Variants in GRIA4 observed in about 807,000 individuals in gnomAD.
GRIA4 encodes the protein glutamate receptor 4.
Under a neutral mutation model 104.0 loss-of-function variants are expected in GRIA4, and 34 were observed. That is an observed-to-expected ratio of 0.33 (90% confidence interval 0.25 to 0.44). The LOEUF (loss-of-function observed/expected upper bound fraction) is 0.44, where lower values mean the gene tolerates loss of function less well. GRIA4 is among the 20% of genes least tolerant of loss of function. The pLI, the probability that GRIA4 is intolerant of heterozygous loss-of-function variation, is 1.00. For synonymous variants in GRIA4, 386 were observed against 381.9 expected (o/e 1.01, Z -0.13); for missense variants, 750 against 1,096.5 (o/e 0.68, Z 4.46).
chr11:105,930,554 T>C (rs1947842724), intron 13 of GRIA4, among the ~76,000 whole-genome samples: 1 of 151,738 alleles, frequency 6.6e-6, no homozygotes, highest in Admixed American at 6.6e-5. Flanking sequence ...CATACTAATA[T>C]ATAGAAATGG....
chr11:105,972,723 T>A (rs1317927884), intron 15 of GRIA4, among the ~76,000 whole-genome samples: 1 of 152,072 alleles, frequency 6.6e-6, no homozygotes, highest in Non-Finnish European at 1.5e-5. Context: ...CAAATAAAAG[T>A]AATGGAAATA....
intron 3 of GRIA4, among the ~76,000 whole-genome samples, chr11:105,750,014 T>G (rs1313207904): frequency 6.6e-6 from 1 of 152,184 alleles, no homozygotes; most frequent in African/African-American, 2.4e-5. Context: ...TCAATTCAGC[T>G]TAGTTTACTT....
chr11:105,950,999 T>C (rs1948442292), intron 14 of GRIA4, among the ~76,000 whole-genome samples: 1 of 152,186 alleles, frequency 6.6e-6, no homozygotes, highest in Non-Finnish European at 1.5e-5. Flanking sequence ...GTCACCTAAC[T>C]TTCATTAGGC....
intron 14 of GRIA4, among the ~76,000 whole-genome samples, chr11:105,971,658 A>C (rs1591500862): frequency 6.6e-6 from 1 of 152,150 alleles, no homozygotes; most frequent in East Asian, 1.9e-4. Context: ...AAACCCAACC[A>C]AGGCCAATAG....
At chr11:105,946,847 C>T (rs1257475259) in intron 14 of GRIA4, among the ~76,000 whole-genome samples, 4 of 151,990 alleles carry the variant, frequency 2.6e-5, no homozygotes, top group African/African-American at 9.7e-5. Context: ...AAAAAATGTA[C>T]CAAAAAAATG....
At position 105,685,227 on chromosome 11, in the gene GRIA4, T is replaced by C. The variant is rs115346739; in HGVS notation, c.248-67754T>C. Among the ~76,000 whole-genome samples the C allele has an allele frequency of 4.3e-3, 660 of 151,964 alleles. 6 individuals carry two copies. Among genetic ancestry groups the C allele is most frequent in the African/African-American group, 0.015 (614 of 41,476 alleles). ...GAAGGAAGGAAGTTAAAAACGAGAC[T>C]CCTTAGGACGCACTTAGAAAGCTGA... On this transcript the variant is annotated intron_variant, in intron 3 of 16. Transcript: ENST00000282499.
At chr11:105,694,746 T>C (rs575842334) in intron 3 of GRIA4, among the ~76,000 whole-genome samples, 52 of 152,302 alleles carry the variant, frequency 3.4e-4, no homozygotes, top group African/African-American at 1.2e-3. Context: ...TTTTGTCATA[T>C]GTTTTCATAA....
At chr11:105,734,064 TATAATATATATATTTTATAC>T (rs1249950031) in intron 3 of GRIA4, among the ~76,000 whole-genome samples, 5 of 147,302 alleles carry the variant, frequency 3.4e-5, no homozygotes, top group Non-Finnish European at 7.5e-5. Context: ...GTATATTATA[TATAATATATATATTTTATAC>T]ATATATATAT....
intron 3 of GRIA4, among the ~76,000 whole-genome samples, chr11:105,684,565 A>C (rs1167639846): frequency 6.8e-6 from 1 of 146,174 alleles, no homozygotes; most frequent in African/African-American, 2.5e-5. Context: ...ATATATACAC[A>C]CCTTTATTTA....
chr11:105,678,533 A>G (rs1952613118), intron 3 of GRIA4, among the ~76,000 whole-genome samples: 1 of 152,086 alleles, frequency 6.6e-6, no homozygotes, highest in Non-Finnish European at 1.5e-5. Flanking sequence ...CACTTCATGT[A>G]GGCAGCACTG....
intron 4 of GRIA4, among the ~76,000 whole-genome samples, chr11:105,760,223 C>G (rs1256834187): frequency 6.6e-6 from 1 of 152,106 alleles, no homozygotes; most frequent in Admixed American, 6.6e-5. Context: ...CAGGAGCCTT[C>G]TTTACTCCAT....
In GRIA4 at chr11:105,974,438, A is replaced by T; in HGVS notation, c.2538A>T (p.Arg846Ser). ...FCYKSRAEAK[R>S]MKLTFSEAIR... ...ACAAGTCCAGGGCAGAAGCGAAGAG[A>T]ATGAAGGTGGCAAAGAGTGCACAGA... is the stretch of plus-strand genomic sequence containing the variant. The change falls in exon 16 of 17, where the codon AGA (arginine) becomes AGT (serine). Residue 846 changes from arginine to serine, a missense_variant. Coordinates refer to ENST00000282499, the MANE Select transcript of GRIA4 (RefSeq NM_000829.4). 6 of 1,613,994 alleles carry T rather than the reference A, an allele frequency of 3.7e-6. No homozygotes were observed. The highest frequency in any genetic ancestry group is 5.1e-6 in the Non-Finnish European group (6 of 1,179,902).
At chr11:105,819,815 C>A (rs547155109) in intron 4 of GRIA4, among the ~76,000 whole-genome samples, 1 of 152,058 alleles carries the variant, frequency 6.6e-6, no homozygotes, top group Non-Finnish European at 1.5e-5. Flanking sequence ...GAAATTCTCA[C>A]CCTCATTACC....
chr11:105,643,919 A>G (rs1253245372), intron 3 of GRIA4, among the ~76,000 whole-genome samples: 3 of 152,066 alleles, frequency 2.0e-5, no homozygotes, highest in Non-Finnish European at 2.9e-5. Context: ...GGGTTTCACC[A>G]TGTTGGCCAG....
At chr11:105,612,106 T>G (rs926886796) in intron 2 of GRIA4, among the ~76,000 whole-genome samples, 170 bp from the exon 3 acceptor site, 2 of 152,112 alleles carry the variant, frequency 1.3e-5, no homozygotes, top group Admixed American at 6.5e-5. Flanking sequence ...CTCTAAAGAC[T>G]AAATACTAAG....
intron 16 of GRIA4, 186 bp downstream of exon 16, chr11:105,974,630 G>C: frequency 7.1e-7 from 1 of 1,416,560 alleles, no homozygotes; most frequent in Non-Finnish European, 9.7e-7. Context: ...TGTCTGTCCA[G>C]TGGTGGTATT....
At chr11:105,665,455 A>T (rs748151387) in intron 3 of GRIA4, among the ~76,000 whole-genome samples, 1 of 151,992 alleles carries the variant, frequency 6.6e-6, no homozygotes, top group Non-Finnish European at 1.5e-5. Flanking sequence ...GTTTCTCACC[A>T]TTAGCGTATC....
intron 3 of GRIA4, among the ~76,000 whole-genome samples, chr11:105,633,200 G>C (rs1321410015): frequency 6.6e-6 from 1 of 152,134 alleles, no homozygotes; most frequent in East Asian, 1.9e-4. Context: ...CCATTATATG[G>C]ATTTCTGTTT....
At chr11:105,667,240 T>G (rs573503421) in intron 3 of GRIA4, among the ~76,000 whole-genome samples, 4 of 152,076 alleles carry the variant, frequency 2.6e-5, no homozygotes, top group African/African-American at 9.6e-5. Context: ...ATATTTAATC[T>G]CCTCTGGATT....
Sources: gnomAD v4.1 joint callset for allele counts (sites outside exome capture counted in the v4.1 genomes callset) on GRCh38, gnomAD v4.1.1 for gene constraint, MANE v1.5 for transcripts, NCBI Gene and HGNC (gene_info 2026-07-23, HGNC 2026-07-21) for gene names.